The following ITIH5 variants were observed in gnomAD, a reference collection of about 807,000 sequenced individuals.
The protein encoded by ITIH5 is inter-alpha-trypsin inhibitor heavy chain H5.
Under a neutral mutation model 77.5 loss-of-function variants are expected in ITIH5, and 65 were observed. The ratio of observed to expected loss-of-function variants is 0.84; its 90% confidence interval spans 0.69 to 1.03. The LOEUF (loss-of-function observed/expected upper bound fraction) is 1.03. Ranked by LOEUF, ITIH5 falls within the 50% of genes least tolerant of loss-of-function variation. ITIH5 has a pLI of 0.00. For synonymous variants in ITIH5, 525 were observed against 494.3 expected, an observed-to-expected ratio of 1.06 and a Z score of -0.82; for missense variants, 1,208 against 1,213.1, an observed-to-expected ratio of 1.00 and a Z score of 0.06.
chr10:7,640,797 C>T lies in ITIH5; in HGVS notation c.358G>A (p.Asp120Asn), dbSNP rs777390458. 3 of 1,613,298 alleles carry T rather than the reference C, an allele frequency of 1.9e-6. No individual in the cohort carries two copies. In the Admixed American group the frequency reaches 5.0e-5, roughly 27 times the overall value. Residue 120 changes from aspartate to asparagine, a missense_variant, in exon 4 of 14, where the codon GAT (aspartate) becomes AAT (asparagine). Transcript: ENST00000397146. ...EITEREKKSG[D>N]RVKEKRNKTT... Reference sequence around the variant, plus strand: ...TTATTCCTTTTCTCTTTTACCCTATCACCACTCTTCTTTTCTCTCTCTGTA... The same window carrying T: ...TTATTCCTTTTCTCTTTTACCCTATTACCACTCTTCTTTTCTCTCTCTGTA...
Position 7,586,153 on chromosome 10 carries a change from C to A in ITIH5, c.940-84G>T, listed in dbSNP as rs1033663528. 4.9e-6 allele frequency: 6 copies of A among 1,229,336 alleles called. No homozygotes were observed. The African/African-American group carries it at 7.8e-5, about 16-fold the overall frequency. The allele number at this position is 1,229,336 out of a possible 1,614,324, so 76.2% of individuals were successfully genotyped here. Reference sequence around the variant, plus strand: ...TGTTCTAGAAACCGCCCCCGCCCCCCAGGAAAAATGTCAGGGTTCAAATTC... The same window carrying A: ...TGTTCTAGAAACCGCCCCCGCCCCCAAGGAAAAATGTCAGGGTTCAAATTC... On this transcript the variant is annotated intron_variant, in intron 7 of 13. Transcript: ENST00000397146.
At chr10:7,609,927 G>C (rs1833207529) in intron 7 of ITIH5, among the ~76,000 whole-genome samples, 1 of 152,048 alleles carries the variant, frequency 6.6e-6, no homozygotes, top group African/African-American at 2.4e-5. Flanking sequence ...CCATGGTCAA[G>C]GAAAAGCATA....
chr10:7,617,348 G>A, intron 5 of ITIH5, 66 bp from the exon 6 acceptor site: 1 of 1,048,484 alleles, frequency 9.5e-7, no homozygotes, highest in Non-Finnish European at 1.3e-6. Flanking sequence ...AATAAAAACT[G>A]TTTGGCAGAC....
chr10:7,604,176 T>C (rs529249516), intron 7 of ITIH5, among the ~76,000 whole-genome samples: 1 of 152,180 alleles, frequency 6.6e-6, no homozygotes, highest in Non-Finnish European at 1.5e-5. Context: ...TTGGGTCCCA[T>C]GGTTATAAGG....
Position 7,563,535 on chromosome 10 carries a change from G to T in ITIH5, c.2528-151C>A, listed in dbSNP as rs971706710. On this transcript the variant is annotated intron_variant, in intron 13 of 13. Transcript: ENST00000397146. The stretch of plus-strand genomic sequence containing the variant: ...AGTGACATGGAAGAACATGTGCTCT[G>T]GGGGGCAGGGTGGAGAGAGCTGAGG... 6 of 678,414 alleles carry T rather than the reference G, an allele frequency of 8.8e-6. No individual in the cohort carries two copies. In the East Asian group the frequency reaches 1.1e-4, roughly 12 times the overall value. The allele number at this position is 678,414 out of a possible 1,614,324, so 42.0% of individuals were successfully genotyped here. A position where few individuals can be genotyped will look rare whatever the true frequency, so the allele number is the denominator to read the frequency against.
intron 11 of ITIH5, chr10:7,572,449 T>C (rs1286487066): frequency 7.5e-7 from 1 of 1,341,380 alleles, no homozygotes; most frequent in Admixed American, 2.0e-5. Context: ...CCAGACATTT[T>C]TATTTTGGTA....
chr10:7,620,086 TC>T (rs920356035), intron 5 of ITIH5: 14 of 151,898 alleles, frequency 9.2e-5, no homozygotes, highest in African/African-American at 2.7e-4. Context: ...CAGGAGAATA[TC>T]GCTTGAACCA....
chr10:7,637,664 A>G (rs1311396941), intron 4 of ITIH5, among the ~76,000 whole-genome samples, 186 bp from the exon 5 acceptor site: 1 of 152,182 alleles, frequency 6.6e-6, no homozygotes, highest in African/African-American at 2.4e-5. Context: ...ACCCCGTGCT[A>G]GAGGTAGGTC....
At chr10:7,663,389 G>A (rs951349535) in intron 1 of ITIH5, among the ~76,000 whole-genome samples, 4 of 152,006 alleles carry the variant, frequency 2.6e-5, no homozygotes, top group African/African-American at 4.8e-5. Flanking sequence ...TTTAATCCTC[G>A]AACAACCATA....
intron 7 of ITIH5, among the ~76,000 whole-genome samples, chr10:7,587,912 A>G (rs1693052253): frequency 6.6e-6 from 1 of 152,154 alleles, no homozygotes; most frequent in South Asian, 2.1e-4. Flanking sequence ...CCCTCTGGCT[A>G]GGTGAAATAA....
chr10:7,564,717 T>A (rs1220471558), intron 13 of ITIH5, among the ~76,000 whole-genome samples: 1 of 151,948 alleles, frequency 6.6e-6, no homozygotes, highest in Non-Finnish European at 1.5e-5. Context: ...GGCATGACTG[T>A]GTGTGTCGGT....
chr10:7,577,073 A>C (rs1832442066), intron 9 of ITIH5, 61 bp from the exon 10 acceptor site: 1 of 1,458,576 alleles, frequency 6.9e-7, no homozygotes, highest in African/African-American at 1.4e-5. Context: ...CAGGCAGGAC[A>C]GTCCTAAAGG....
intron 2 of ITIH5, among the ~76,000 whole-genome samples, chr10:7,655,157 G>A (rs1165601180): frequency 6.6e-6 from 1 of 152,148 alleles, no homozygotes; most frequent in South Asian, 2.1e-4. Context: ...AGGAAGAACT[G>A]AGGTAGTTTC....
At chr10:7,590,863 G>C (rs1412870781) in intron 7 of ITIH5, among the ~76,000 whole-genome samples, 1 of 152,110 alleles carries the variant, frequency 6.6e-6, no homozygotes, top group Non-Finnish European at 1.5e-5. Flanking sequence ...AGCCTTCCAT[G>C]GCCCCTCGCT....
At chr10:7,609,385 G>A (rs1411131973) in intron 7 of ITIH5, 3 of 451,468 alleles carry the variant, frequency 6.6e-6, no homozygotes, top group Non-Finnish European at 1.3e-5. Context: ...AACACAAGAT[G>A]TTCCCCAAGT....
chr10:7,656,792 G>A (rs559979033), intron 1 of ITIH5, among the ~76,000 whole-genome samples: 23 of 148,656 alleles, frequency 1.5e-4, no homozygotes, highest in African/African-American at 5.7e-4. Flanking sequence ...TGCCCAGGCT[G>A]GAGTGCTGTG....
chr10:7,648,353 A>T, intron 2 of ITIH5, among the ~76,000 whole-genome samples: 1 of 152,212 alleles, frequency 6.6e-6, no homozygotes, highest in Non-Finnish European at 1.5e-5. Context: ...AGTAAATATA[A>T]TTCAGTCTTT....
At chr10:7,657,287 T>C (rs1485493888) in intron 1 of ITIH5, among the ~76,000 whole-genome samples, 2 of 151,942 alleles carry the variant, frequency 1.3e-5, no homozygotes, top group African/African-American at 2.4e-5. Flanking sequence ...GACCTCGTGA[T>C]CCGCCCGCCT....
intron 9 of ITIH5, among the ~76,000 whole-genome samples, chr10:7,577,871 T>A (rs141956318): frequency 6.6e-6 from 1 of 152,308 alleles, no homozygotes; most frequent in East Asian, 1.9e-4. Context: ...TCCCTGAAAG[T>A]CCATTTTCCC....
Sources: allele counts gnomAD v4.1 joint callset (sites outside exome capture counted in the v4.1 genomes callset), GRCh38; gene constraint gnomAD v4.1.1; transcripts MANE v1.5; gene names NCBI Gene and HGNC (gene_info 2026-07-23, HGNC 2026-07-21).